The following SUMF1 variants were observed in gnomAD, a reference collection of about 807,000 sequenced individuals.
SUMF1 encodes formylglycine-generating enzyme.
Under a neutral mutation model 47.6 loss-of-function variants are expected in SUMF1, and 48 were observed. The ratio of observed to expected loss-of-function variants is 1.01; its 90% confidence interval spans 0.80 to 1.28. SUMF1 has a LOEUF of 1.28. Ranked by LOEUF, SUMF1 falls within the 50% of genes most tolerant of loss-of-function variation. The pLI is 0.00. For synonymous variants in SUMF1, 230 were observed against 192.1 expected, an observed-to-expected ratio of 1.20 and a Z score of -1.63; for missense variants, 571 against 485.4, an observed-to-expected ratio of 1.18 and a Z score of -1.66.
At chr3:4,100,330 A>T (rs1374385931) in intron 8 of SUMF1, among the ~76,000 whole-genome samples, 1 of 152,064 alleles carries the variant, frequency 6.6e-6, no homozygotes, top group Non-Finnish European at 1.5e-5. Context: ...TAGGACTGGC[A>T]TAAAAACAGA....
intron 8 of SUMF1, among the ~76,000 whole-genome samples, chr3:4,167,461 T>G (rs1296148148): frequency 1.3e-5 from 2 of 152,112 alleles, no homozygotes; most frequent in African/African-American, 2.4e-5. Flanking sequence ...TTTTACAGGG[T>G]GCTGATTGGT....
intron 8 of SUMF1, among the ~76,000 whole-genome samples, chr3:4,070,885 C>A (rs795739): frequency 0.047 from 7,112 of 152,138 alleles, 194 homozygotes; most frequent in Non-Finnish European, 0.055. Flanking sequence ...CCCACCTCGG[C>A]CTCCCAAAGT....
At chr3:4,212,949 A>G (rs923498183) in intron 8 of SUMF1, among the ~76,000 whole-genome samples, 3 of 152,202 alleles carry the variant, frequency 2.0e-5, no homozygotes, top group African/African-American at 7.2e-5. Flanking sequence ...GTGTACCTGA[A>G]AGTGACAGGG....
intron 8 of SUMF1, among the ~76,000 whole-genome samples, chr3:4,211,691 A>T (rs1343237777): frequency 6.6e-6 from 1 of 152,136 alleles, no homozygotes; most frequent in Non-Finnish European, 1.5e-5. Flanking sequence ...TTGGTACTAT[A>T]AGGTAAAACC....
intron 8 of SUMF1, among the ~76,000 whole-genome samples, chr3:4,306,602 CAAG>C (rs1204590615): frequency 2.6e-5 from 4 of 152,088 alleles, no homozygotes; most frequent in Admixed American, 6.5e-5. Context: ...TCTTTCTTAC[CAAG>C]AAGATCAAAC....
intron 8 of SUMF1, among the ~76,000 whole-genome samples, chr3:4,109,077 C>A (rs1391586939): frequency 6.6e-6 from 1 of 152,086 alleles, no homozygotes; most frequent in Non-Finnish European, 1.5e-5. Flanking sequence ...TGTTCCTTTT[C>A]ATGTTTAGTG....
intron 3 of SUMF1, among the ~76,000 whole-genome samples, chr3:4,441,371 G>T (rs1445297005): frequency 6.6e-6 from 1 of 152,106 alleles, no homozygotes; most frequent in Non-Finnish European, 1.5e-5. Flanking sequence ...CTACATTATG[G>T]TGAGTTGTAT....
rs111279700 is a variant in SUMF1, at chr3:4,132,443, C to T, written c.1015-63698G>A. Among the ~76,000 whole-genome samples, 569 of 152,166 alleles carry T rather than the reference C, an allele frequency of 3.7e-3. 8 individuals are homozygous for T. The highest frequency in any genetic ancestry group is 0.012 in the African/African-American group (507 of 41,502). On this transcript the variant is annotated intron_variant and NMD_transcript_variant, in intron 8 of 12. Transcript: ENST00000448413. ...CTTTGCACAGCTGGGTCAAAGTTCT[C>T]CAGAAGGCCATGTATGCTCTGAATC...
At chr3:4,219,620 G>A (rs1485259) in intron 8 of SUMF1, among the ~76,000 whole-genome samples, 6,895 of 152,190 alleles carry the variant, frequency 0.045, 446 homozygotes, top group East Asian at 0.18. Flanking sequence ...GCCTGCCATG[G>A]ATCTGTATTT....
intron 8 of SUMF1, among the ~76,000 whole-genome samples, chr3:4,259,197 G>A (rs2125021081): frequency 6.6e-6 from 1 of 151,650 alleles, no homozygotes; most frequent in Non-Finnish European, 1.5e-5. Flanking sequence ...GCACCAGCAT[G>A]GCACATGTAT....
At chr3:4,416,572 C>T (rs147745923) in intron 6 of SUMF1, among the ~76,000 whole-genome samples, 27 of 152,296 alleles carry the variant, frequency 1.8e-4, no homozygotes, top group Middle Eastern at 3.4e-3. Flanking sequence ...GGAAATAAAC[C>T]GACCTGGTTC....
intron 8 of SUMF1, among the ~76,000 whole-genome samples, chr3:4,182,196 C>T (rs1258660465): frequency 6.6e-6 from 1 of 151,834 alleles, no homozygotes; most frequent in Non-Finnish European, 1.5e-5. Flanking sequence ...TATGGGTAAG[C>T]ATGGGGTAGA....
rs528745465 is a variant in SUMF1, at chr3:4,413,873, T to A, written c.841-2895A>T. ...AGACCTCACCTCCACAAAAAAAAAA[T>A]TTTTTTTTAAGATAGAGTCTCACTC... On this transcript the variant is annotated intron_variant, in intron 6 of 8. Transcript: ENST00000272902. 2.2e-3 allele frequency among the ~76,000 whole-genome samples: 337 copies of A among 150,324 alleles called. 2 individuals carry two copies. Among genetic ancestry groups the A allele is most frequent in the African/African-American group, 7.1e-3 (287 of 40,658 alleles).
At chr3:4,404,971 T>C (rs1701329766) in intron 7 of SUMF1, among the ~76,000 whole-genome samples, 1 of 152,160 alleles carries the variant, frequency 6.6e-6, no homozygotes, top group Non-Finnish European at 1.5e-5. Context: ...TTACCGGTTT[T>C]TGCCAGACTG....
chr3:4,247,461 A>T (rs572206552), intron 8 of SUMF1, among the ~76,000 whole-genome samples: 1 of 152,334 alleles, frequency 6.6e-6, no homozygotes, highest in East Asian at 1.9e-4. Context: ...GATTTTGTAA[A>T]GTGGCAATGT....
chr3:4,222,255 C>T (rs1259312371), intron 8 of SUMF1, among the ~76,000 whole-genome samples: 1 of 151,906 alleles, frequency 6.6e-6, no homozygotes, highest in Non-Finnish European at 1.5e-5. Flanking sequence ...TTATTTTAGC[C>T]TTAGAATCTC....
intron 8 of SUMF1, among the ~76,000 whole-genome samples, chr3:4,168,909 T>A (rs923974161): frequency 6.6e-6 from 1 of 152,198 alleles, no homozygotes; most frequent in East Asian, 1.9e-4. Context: ...CTTCCACTAA[T>A]TGAGCACATG....
chr3:4,289,750 G>A (rs1697704280), intron 8 of SUMF1, among the ~76,000 whole-genome samples: 1 of 151,260 alleles, frequency 6.6e-6, no homozygotes, highest in African/African-American at 2.5e-5. Context: ...TTTCTAGCTA[G>A]AGCACTCTGT....
At chr3:4,430,495 G>A (rs529307180) in intron 3 of SUMF1, among the ~76,000 whole-genome samples, 1 of 152,144 alleles carries the variant, frequency 6.6e-6, no homozygotes, top group Non-Finnish European at 1.5e-5. Context: ...ATATAGGCTC[G>A]CTAGGAGGAT....
Sources: gnomAD v4.1 joint callset for allele counts (sites outside exome capture counted in the v4.1 genomes callset) on GRCh38, gnomAD v4.1.1 for gene constraint, MANE v1.5 for transcripts, NCBI Gene and HGNC (gene_info 2026-07-23, HGNC 2026-07-21) for gene names.